The following SLC15A4 variants were observed in gnomAD, a reference collection of about 807,000 sequenced individuals.
The protein encoded by SLC15A4 is hPHT1.
A neutral mutation model predicts 46.1 loss-of-function variants in SLC15A4; 26 were observed. That is an observed-to-expected ratio of 0.56 (90% CI 0.41 to 0.78). The LOEUF is 0.78. Among genes scored for constraint, SLC15A4 ranks in the 30% least tolerant of loss-of-function variants. The pLI, the probability that SLC15A4 is intolerant of heterozygous loss-of-function variation, is 0.00. For missense variants in SLC15A4, 751 were observed against 755.7 expected (o/e 0.99, Z 0.07); for synonymous variants, 370 against 333.4 (o/e 1.11, Z -1.20).
chr12:128,804,456 G>T (rs1955555021), intron 5 of SLC15A4, among the ~76,000 whole-genome samples: 2 of 152,186 alleles, frequency 1.3e-5, no homozygotes, highest in Non-Finnish European at 1.5e-5. Context: ...TGAAAGCCAG[G>T]CCCAGTGGCT....
At chr12:128,820,479 GGT>G (rs1955817555) in intron 1 of SLC15A4, among the ~76,000 whole-genome samples, 1 of 152,178 alleles carries the variant, frequency 6.6e-6, no homozygotes, top group South Asian at 2.1e-4. Context: ...GTCATTCTAA[GGT>G]GTCTCCTGAC....
intron 1 of SLC15A4, among the ~76,000 whole-genome samples, chr12:128,818,359 C>T (rs1419077934): frequency 6.6e-6 from 1 of 152,166 alleles, no homozygotes; most frequent in African/African-American, 2.4e-5. Flanking sequence ...AGAGGCTCTA[C>T]CTGGGAGATG....
chr12:128,823,348 T>G lies in SLC15A4; in HGVS notation c.546+50A>C, dbSNP rs960624886. 3.0e-6 allele frequency: 4 copies of G among 1,343,478 alleles called. 1 individual carries two copies. In the African/African-American group the frequency reaches 6.1e-5, roughly 21 times the overall value. The allele number at this position is 1,343,478 out of a possible 1,614,324, so 83.2% of individuals were successfully genotyped here. ...CTGGGGCAGGGGAAGAGGCTGGGGC[T>G]GGGCAGGGGCTGGACAGGGACAGGG... is the stretch of plus-strand genomic sequence containing the variant. On this transcript the variant is annotated intron_variant, in intron 1 of 7. Coordinates refer to ENST00000266771, the MANE Select transcript of SLC15A4 (RefSeq NM_145648.4).
At chr12:128,810,223 C>T in intron 2 of SLC15A4, 112 bp from the exon 3 acceptor site, 1 of 956,822 alleles carries the variant, frequency 1.0e-6, no homozygotes, top group Middle Eastern at 2.6e-4. Context: ...GAATCTGCTT[C>T]AACTCATTCC....
intron 1 of SLC15A4, among the ~76,000 whole-genome samples, chr12:128,822,709 G>T (rs192854955): frequency 6.6e-6 from 1 of 152,056 alleles, no homozygotes. Context: ...CCGCCACCAC[G>T]CTCGGCTAAT....
rs879110519 is a variant in SLC15A4 at position 128,809,795 on chromosome 12, A to G, written c.1011+148T>C. ...TAGTTAAAGCAGCCAAAATGACTCCATAACTAAAACCAAAAATTCCAAGAT... is the reference window on the plus strand; with the variant it reads ...TAGTTAAAGCAGCCAAAATGACTCCGTAACTAAAACCAAAAATTCCAAGAT... On this transcript the variant is annotated intron_variant, in intron 3 of 7. Coordinates refer to ENST00000266771, the MANE Select transcript of SLC15A4 (RefSeq NM_145648.4). The G allele has an allele frequency of 2.0e-5, 15 of 752,856 alleles. No individual in the cohort carries two copies. In the South Asian group the frequency reaches 2.3e-4, roughly 11 times the overall value. 46.6% of individuals were successfully genotyped at this position (752,856 alleles called of 1,614,324 possible).
At chr12:128,811,342 T>C (rs911566712) in intron 2 of SLC15A4, among the ~76,000 whole-genome samples, 9 of 152,252 alleles carry the variant, frequency 5.9e-5, no homozygotes, top group African/African-American at 2.2e-4. Flanking sequence ...ATTCTTTATC[T>C]TATAAAGTCA....
Position 128,799,351 on chromosome 12 carries a change from A to T in SLC15A4, c.1481T>A (p.Phe494Tyr), listed in dbSNP as rs1352713358. 6.2e-7 allele frequency: 1 copy of T among 1,614,072 alleles called. No homozygotes were observed. Among genetic ancestry groups the T allele is most frequent in the Non-Finnish European group, 8.5e-7 (1 of 1,180,038 alleles). The change falls in exon 7 of 8, where the codon TTC becomes TAC. Residue 494 changes from phenylalanine (F) to tyrosine (Y), a missense_variant. By Grantham distance (22) the Phe-to-Tyr change is conservative. Coordinates refer to ENST00000266771, the MANE Select transcript of SLC15A4 (RefSeq NM_145648.4). Reference protein sequence around the residue: ...MQSAIMGLFFFFSGVGSFVGS... With the variant: ...MQSAIMGLFFYFSGVGSFVGS... ...CACGAACGACCCGACGCCAGAGAAG[A>T]AAAAGAACAAGCCCATTATGGCACT... is the stretch of plus-strand genomic sequence containing the variant.
At position 128,794,166 on chromosome 12, in the gene SLC15A4, C is replaced by T; in HGVS notation, c.*30G>A. ...CCCCAGTCAGTTACTGACATGTCAG[C>T]CTCAGAAACCGCACATGGCCTCAGG... is the stretch of plus-strand genomic sequence containing the variant. On this transcript the variant is annotated 3_prime_UTR_variant, in exon 8 of 8. Transcript: ENST00000266771. 1.3e-6 allele frequency: 2 copies of T among 1,583,564 alleles called. No homozygotes were observed. The highest frequency in any genetic ancestry group is 1.7e-6 in the Non-Finnish European group (2 of 1,162,740).
At chr12:128,811,889 G>A (rs1418209984) in intron 2 of SLC15A4, among the ~76,000 whole-genome samples, 1 of 152,146 alleles carries the variant, frequency 6.6e-6, no homozygotes, top group African/African-American at 2.4e-5. Context: ...CATATTGTTA[G>A]GTGCACTATT....
chr12:128,815,060 C>T lies in SLC15A4; in HGVS notation c.557G>A (p.Arg186Gln). The T allele has an allele frequency of 1.2e-6, 2 of 1,606,384 alleles. No homozygotes were observed. Among genetic ancestry groups the T allele is most frequent in the Non-Finnish European group, 8.5e-7 (1 of 1,173,606 alleles). Residue 186 changes from arginine to glutamine, a missense_variant, in exon 2 of 8, where the codon CGA becomes CAA. Coordinates refer to ENST00000266771, the MANE Select transcript of SLC15A4 (RefSeq NM_145648.4). ...TPFGADQVKD[R>Q]GPEATRRFFN... ...AAATCTCCTAGTGGCTTCCGGACCT[C>T]GATCTTTAACCTAAAATAACAGGGA...
chr12:128,809,070 A>C, intron 4 of SLC15A4, 114 bp from the exon 5 acceptor site: 1 of 933,054 alleles, frequency 1.1e-6, no homozygotes, highest in Non-Finnish European at 1.6e-6. Context: ...CCTCTCCACA[A>C]GGTACAACCT....
chr12:128,813,056 C>A (rs1483815695), intron 2 of SLC15A4: 1 of 152,230 alleles, frequency 6.6e-6, no homozygotes, highest in Non-Finnish European at 1.5e-5. Context: ...TGTCTATGGG[C>A]TACCACCCAC....
rs753400755 is a variant in SLC15A4 at position 128,823,724 on chromosome 12, C to T, written c.220G>A (p.Ala74Thr). The T allele has an allele frequency of 6.5e-7, 1 of 1,538,686 alleles. No individual in the cohort carries two copies. The highest frequency in any genetic ancestry group is 8.7e-7 in the Non-Finnish European group (1 of 1,151,548). Reference protein sequence around the residue: ...GAPFCWEGAQASEALLLFMGL... With the variant: ...GAPFCWEGAQTSEALLLFMGL... ...ATGAAGAGCAGCAGCGCCTCGCTGGCCTGCGCGCCCTCCCAGCAGAACGGC... is the reference window on the plus strand; with the variant it reads ...ATGAAGAGCAGCAGCGCCTCGCTGGTCTGCGCGCCCTCCCAGCAGAACGGC... Residue 74 changes from alanine (A) to threonine (T), a missense_variant, in exon 1 of 8, where the codon GCC (alanine) becomes ACC (threonine). Physicochemically the swap from Ala to Thr is moderately conservative, Grantham distance 58 (BLOSUM62 0). Transcript: ENST00000266771.
chr12:128,805,851 C>T (rs1282463885), intron 5 of SLC15A4, among the ~76,000 whole-genome samples: 1 of 152,022 alleles, frequency 6.6e-6, no homozygotes, highest in Non-Finnish European at 1.5e-5. Flanking sequence ...ATTTGAAATC[C>T]TTAAATAATC....
intron 7 of SLC15A4, among the ~76,000 whole-genome samples, chr12:128,796,073 T>C (rs547938840): frequency 2.0e-4 from 30 of 152,340 alleles, no homozygotes; most frequent in Admixed American, 1.4e-3. Flanking sequence ...GCACTTCCTT[T>C]TTCTATCTGA....
intron 5 of SLC15A4, among the ~76,000 whole-genome samples, chr12:128,807,780 C>T (rs1016225719): frequency 6.6e-6 from 1 of 152,236 alleles, no homozygotes; most frequent in Non-Finnish European, 1.5e-5. Flanking sequence ...TCAGACACGA[C>T]CTCACTTTAA....
chr12:128,818,310 C>G (rs571724186), intron 1 of SLC15A4, among the ~76,000 whole-genome samples: 7 of 152,338 alleles, frequency 4.6e-5, no homozygotes, highest in Admixed American at 4.6e-4. Flanking sequence ...CAAAGCTATG[C>G]AGCCTCACCC....
intron 2 of SLC15A4, among the ~76,000 whole-genome samples, chr12:128,810,956 C>A (rs531325909): frequency 3.3e-5 from 5 of 152,328 alleles, no homozygotes; most frequent in Admixed American, 6.5e-5. Context: ...CACCACTGTC[C>A]CTCCACTCCC....
Sources: gnomAD v4.1 joint callset for allele counts (sites outside exome capture counted in the v4.1 genomes callset) on GRCh38, gnomAD v4.1.1 for gene constraint, MANE v1.5 for transcripts, NCBI Gene and HGNC (gene_info 2026-07-23, HGNC 2026-07-21) for gene names.